The following HYAL4 variants were observed in gnomAD, a reference collection of about 807,000 sequenced individuals.
HYAL4 encodes the protein hyaluronidase-4.
Under a neutral mutation model 35.2 loss-of-function variants are expected in HYAL4, and 37 were observed. The observed-to-expected ratio is 1.05, with a 90% CI of 0.81 to 1.38. The LOEUF (loss-of-function observed/expected upper bound fraction) is 1.38, where lower values mean the gene tolerates loss of function less well. Ranked by LOEUF, HYAL4 falls within the 40% of genes most tolerant of loss-of-function variation. The pLI is 0.00. For synonymous variants in HYAL4, 198 were observed against 203.2 expected (o/e 0.97, Z 0.22); for missense variants, 572 against 572.4 (o/e 1.00, Z 0.01).
chr7:123,804,041 A>T, the HYAL4 span, among the ~76,000 whole-genome samples: 26 of 152,206 alleles, frequency 1.7e-4, no homozygotes, highest in African/African-American at 6.3e-4. Context: ...TAATTGTCTT[A>T]TCCTTATACT....
intron 2 of HYAL4, among the ~76,000 whole-genome samples, chr7:123,867,759 G>A (rs1255237182): frequency 1.3e-5 from 2 of 152,072 alleles, no homozygotes; most frequent in African/African-American, 2.4e-5. Flanking sequence ...CATATAAAGT[G>A]ACATCAGGCA....
rs1326050405 is a variant in HYAL4 at position 123,860,149 on chromosome 7, C to T, written c.-51-8074C>T. ...TGGAAGTTCCTCCTTCATAACACTT[C>T]TCTTTCCTGCCACCTTGTGAAGAAG... On this transcript the variant is annotated intron_variant, in intron 2 of 4. Coordinates refer to ENST00000223026, the MANE Select transcript of HYAL4 (RefSeq NM_012269.3). Among the ~76,000 whole-genome samples, 3 of 152,304 alleles carry T rather than the reference C, an allele frequency of 2.0e-5. No individual in the cohort carries two copies. The East Asian group carries it at 5.8e-4, about 29-fold the overall frequency.
chr7:123,789,921 C>CAG, the HYAL4 span, among the ~76,000 whole-genome samples: 54 of 150,912 alleles, frequency 3.6e-4, no homozygotes, highest in South Asian at 9.4e-3. Context: ...ATGAGTGAGC[C>CAG]AGAGAGAGAG....
chr7:123,798,287 T>C, the HYAL4 span, among the ~76,000 whole-genome samples: 1 of 152,226 alleles, frequency 6.6e-6, no homozygotes, highest in African/African-American at 2.4e-5. Context: ...ATAGAAACTA[T>C]GCAATTATCA....
At chr7:123,836,654 A>G (rs1013327245) in intron 1 of HYAL4, among the ~76,000 whole-genome samples, 18 of 150,910 alleles carry the variant, frequency 1.2e-4, no homozygotes, top group Non-Finnish European at 4.4e-5. Context: ...TTTTTTTTCA[A>G]TGTCTTTTTG....
intron 2 of HYAL4, among the ~76,000 whole-genome samples, chr7:123,857,734 A>C (rs367776440): frequency 1.0e-5 from 1 of 97,624 alleles, no homozygotes; most frequent in Non-Finnish European, 2.2e-5. Flanking sequence ...TCTTTCTTTC[A>C]ATAGAAACAA....
At chr7:123,779,477 A>G in the HYAL4 span, among the ~76,000 whole-genome samples, 3 of 151,280 alleles carry the variant, frequency 2.0e-5, no homozygotes, top group Non-Finnish European at 1.5e-5. Flanking sequence ...TGTAATATTT[A>G]CAGGTGAAAT....
the HYAL4 span, among the ~76,000 whole-genome samples, chr7:123,782,216 G>A: frequency 6.6e-6 from 1 of 152,088 alleles, no homozygotes; most frequent in Non-Finnish European, 1.5e-5. Flanking sequence ...ATTTTTGGTG[G>A]GGTAGACTCT....
the HYAL4 span, among the ~76,000 whole-genome samples, chr7:123,773,660 T>C: frequency 6.6e-6 from 1 of 152,242 alleles, no homozygotes; most frequent in Non-Finnish European, 1.5e-5. Context: ...CATATACGTT[T>C]GTGTGCATTT....
the HYAL4 span, among the ~76,000 whole-genome samples, chr7:123,794,263 A>C: frequency 6.6e-6 from 1 of 152,212 alleles, no homozygotes; most frequent in African/African-American, 2.4e-5. Flanking sequence ...AGAGCATAAA[A>C]GTTTGAAAAA....
the HYAL4 span, among the ~76,000 whole-genome samples, chr7:123,765,746 CTT>C: frequency 6.6e-6 from 1 of 152,140 alleles, no homozygotes; most frequent in Non-Finnish European, 1.5e-5. Context: ...CAGTGCATCT[CTT>C]TATCTTAGTC....
the HYAL4 span, among the ~76,000 whole-genome samples, chr7:123,791,892 C>T: frequency 1.2e-3 from 186 of 152,330 alleles, 6 homozygotes; most frequent in South Asian, 0.034. Flanking sequence ...GGACTTGTAA[C>T]CTCCAGAATG....
the HYAL4 span, among the ~76,000 whole-genome samples, chr7:123,798,406 A>T: frequency 6.6e-6 from 1 of 152,280 alleles, no homozygotes; most frequent in Non-Finnish European, 1.5e-5. Flanking sequence ...AGAGAGAGAG[A>T]TTACCTACAA....
At chr7:123,859,333 C>T (rs575943064) in intron 2 of HYAL4, among the ~76,000 whole-genome samples, 9 of 152,160 alleles carry the variant, frequency 5.9e-5, no homozygotes, top group Middle Eastern at 3.4e-3. Context: ...TATATTTTTC[C>T]ACTAGTATTA....
the HYAL4 span, among the ~76,000 whole-genome samples, chr7:123,817,823 A>C: frequency 5.9e-5 from 9 of 151,880 alleles, no homozygotes; most frequent in African/African-American, 1.2e-4. Context: ...AAAAAGAAAA[A>C]AAAAATCAAA....
chr7:123,782,819 T>A, the HYAL4 span, among the ~76,000 whole-genome samples: 1 of 152,158 alleles, frequency 6.6e-6, no homozygotes. Flanking sequence ...TTAGTGTAAC[T>A]CATTTCCTAA....
the HYAL4 span, among the ~76,000 whole-genome samples, chr7:123,803,308 TA>T: frequency 1.5e-4 from 23 of 152,316 alleles, no homozygotes; most frequent in African/African-American, 4.6e-4. Context: ...AAAGAATTTT[TA>T]AAAAGGGGGC....
chr7:123,821,324 T>C, the HYAL4 span, among the ~76,000 whole-genome samples: 1 of 152,160 alleles, frequency 6.6e-6, no homozygotes, highest in Non-Finnish European at 1.5e-5. Context: ...CTTGTTATCT[T>C]TTATTTTTTA....
the HYAL4 span, among the ~76,000 whole-genome samples, chr7:123,764,444 G>T: frequency 6.6e-6 from 1 of 152,316 alleles, no homozygotes; most frequent in African/African-American, 2.4e-5. Context: ...TTGACTCTAA[G>T]GAGATGGATC....
Sources: gnomAD v4.1 joint callset for allele counts (sites outside exome capture counted in the v4.1 genomes callset) on GRCh38, gnomAD v4.1.1 for gene constraint, MANE v1.5 for transcripts, NCBI Gene and HGNC (gene_info 2026-07-23, HGNC 2026-07-21) for gene names.